Variants in PCDHA13 observed in about 807,000 individuals in gnomAD.
PCDHA13 encodes the protein protocadherin alpha-13.
Under a neutral mutation model 64.8 loss-of-function variants are expected in PCDHA13, and 54 were observed. The observed-to-expected ratio is 0.83, with a 90% CI of 0.67 to 1.04. The LOEUF (loss-of-function observed/expected upper bound fraction) is 1.04. PCDHA13 is among the 50% of genes least tolerant of loss of function. The pLI is 0.00. For missense variants in PCDHA13, 1,248 were observed against 1,254.3 expected, an observed-to-expected ratio of 0.99 and a Z score of 0.08; for synonymous variants, 587 against 564.4, an observed-to-expected ratio of 1.04 and a Z score of -0.57.
intron 1 of PCDHA13, among the ~76,000 whole-genome samples, chr5:140,908,375 G>C (rs922545563): frequency 6.6e-6 from 1 of 152,174 alleles, no homozygotes; most frequent in Non-Finnish European, 1.5e-5. Context: ...TTCAGGACCT[G>C]CTCGAGCCCG....
intron 1 of PCDHA13, chr5:140,968,638 A>T: frequency 6.2e-7 from 1 of 1,614,184 alleles, no homozygotes; most frequent in Non-Finnish European, 8.5e-7. Context: ...TTTACCATCT[A>T]GCCCAGACTT....
chr5:140,905,843 T>C (rs1554192236), intron 1 of PCDHA13, among the ~76,000 whole-genome samples: 1 of 152,126 alleles, frequency 6.6e-6, no homozygotes, highest in South Asian at 2.1e-4. Flanking sequence ...GGGAGTTTAT[T>C]AAGGAGTATT....
At chr5:140,945,147 T>C (rs1554216774) in intron 1 of PCDHA13, among the ~76,000 whole-genome samples, 1 of 152,154 alleles carries the variant, frequency 6.6e-6, no homozygotes, top group Non-Finnish European at 1.5e-5. Flanking sequence ...ATAGCATTTC[T>C]ATACACTATT....
chr5:140,959,772 C>T (rs1554224331), intron 1 of PCDHA13, among the ~76,000 whole-genome samples: 1 of 152,120 alleles, frequency 6.6e-6, no homozygotes, highest in East Asian at 1.9e-4. Flanking sequence ...TCAGTAAGAA[C>T]AGTGTATATT....
chr5:140,929,697 T>G (rs2086305900), intron 1 of PCDHA13: 1 of 266,272 alleles, frequency 3.8e-6, no homozygotes, highest in African/African-American at 2.2e-5. Flanking sequence ...CTGCTTTATA[T>G]GAATATAATA....
intron 3 of PCDHA13, among the ~76,000 whole-genome samples, chr5:140,999,702 T>A (rs78322991): frequency 6.6e-6 from 1 of 152,136 alleles, no homozygotes; most frequent in South Asian, 2.1e-4. Context: ...GATTTTTTTT[T>A]AGCTAACTAC....
chr5:140,920,570 G>A (rs2153557888), intron 1 of PCDHA13, among the ~76,000 whole-genome samples: 1 of 152,186 alleles, frequency 6.6e-6, no homozygotes, highest in Non-Finnish European at 1.5e-5. Flanking sequence ...CTTAGGCCAG[G>A]AGCAGTGGCT....
intron 1 of PCDHA13, among the ~76,000 whole-genome samples, chr5:140,894,553 T>G (rs2064537673): frequency 6.6e-6 from 1 of 152,008 alleles, no homozygotes; most frequent in South Asian, 2.1e-4. Flanking sequence ...TGTTTACTTC[T>G]GAAAAAATTA....
At position 140,969,313 on chromosome 5, in the gene PCDHA13, G is replaced by A. The variant is rs2096317901; in HGVS notation, c.2395-9636G>A. 3.7e-6 allele frequency: 6 copies of A among 1,614,160 alleles called. No homozygotes were observed. In the East Asian group the frequency reaches 8.9e-5, roughly 24 times the overall value. ...GGAACCTGATTATTCTCAAAAATGAGGCTGTTTCTCAAAATGAGGTGAGAC... is the reference window on the plus strand; with the variant it reads ...GGAACCTGATTATTCTCAAAAATGAAGCTGTTTCTCAAAATGAGGTGAGAC... On this transcript the variant is annotated intron_variant, in intron 1 of 3. Coordinates refer to ENST00000289272, the MANE Select transcript of PCDHA13 (RefSeq NM_018904.3).
At chr5:140,905,135 T>G (rs2071619691) in intron 1 of PCDHA13, among the ~76,000 whole-genome samples, 1 of 152,208 alleles carries the variant, frequency 6.6e-6, no homozygotes, top group Admixed American at 6.5e-5. Context: ...GAAGAGTTTT[T>G]CTGCTGTTAT....
intron 1 of PCDHA13, among the ~76,000 whole-genome samples, chr5:140,972,283 A>C (rs2096528536): frequency 2.7e-5 from 4 of 149,876 alleles, no homozygotes; most frequent in Admixed American, 2.7e-4. Flanking sequence ...TGGACCATAG[A>C]TGTGCGCCAC....
intron 1 of PCDHA13, among the ~76,000 whole-genome samples, chr5:140,901,220 TC>T (rs1383510008): frequency 6.6e-6 from 1 of 152,200 alleles, no homozygotes; most frequent in Non-Finnish European, 1.5e-5. Context: ...GTTGATGTGA[TC>T]CCATATATCC....
At chr5:140,906,443 G>GAAATAA (rs1554192538) in intron 1 of PCDHA13, among the ~76,000 whole-genome samples, 1 of 152,068 alleles carries the variant, frequency 6.6e-6, no homozygotes, top group Non-Finnish European at 1.5e-5. Flanking sequence ...AACAAGAAAG[G>GAAATAA]AAATAAAATG....
At chr5:140,910,451 G>A (rs2075030507) in intron 1 of PCDHA13, among the ~76,000 whole-genome samples, 1 of 152,190 alleles carries the variant, frequency 6.6e-6, no homozygotes. Flanking sequence ...GTAGTTGAGT[G>A]ACTGTGGTTC....
chr5:140,888,945 T>G (rs2062037344), intron 1 of PCDHA13, among the ~76,000 whole-genome samples: 1 of 152,102 alleles, frequency 6.6e-6, no homozygotes, highest in African/African-American at 2.4e-5. Context: ...GAGGTATAAA[T>G]TTTTTCTTTG....
intron 1 of PCDHA13, among the ~76,000 whole-genome samples, chr5:140,901,810 T>C (rs2068911855): frequency 6.6e-6 from 1 of 152,336 alleles, no homozygotes; most frequent in African/African-American, 2.4e-5. Flanking sequence ...ATTTTTACAA[T>C]ATTGATTCTT....
At chr5:140,966,638 T>A in intron 1 of PCDHA13, 2 of 1,090,114 alleles carry the variant, frequency 1.8e-6, no homozygotes, top group South Asian at 2.2e-5. Flanking sequence ...CCAGGCGCTT[T>A]CTAGAGCGTG....
chr5:140,960,397 G>A (rs1322659184), intron 1 of PCDHA13, among the ~76,000 whole-genome samples: 1 of 152,102 alleles, frequency 6.6e-6, no homozygotes, highest in African/African-American at 2.4e-5. Flanking sequence ...AGGATGCAAG[G>A]GGGGGTGCCC....
chr5:140,928,459 T>C (rs2085267166), intron 1 of PCDHA13: 1 of 1,614,106 alleles, frequency 6.2e-7, no homozygotes, highest in Non-Finnish European at 8.5e-7. Flanking sequence ...GGGGTTTCAT[T>C]TCCAAGTAGA....
Sources: allele counts gnomAD v4.1 joint callset (sites outside exome capture counted in the v4.1 genomes callset), GRCh38; gene constraint gnomAD v4.1.1; transcripts MANE v1.5; gene names NCBI Gene and HGNC (gene_info 2026-07-23, HGNC 2026-07-21).